LINC00237: variants seen among roughly 807,000 people sequenced by gnomAD.
LINC00237 encodes the protein long intergenic non-protein coding RNA 237.
intron 1 of LINC00237, among the ~76,000 whole-genome samples, chr20:21,104,852 C>G (rs1353921837): frequency 6.6e-6 from 1 of 152,142 alleles, no homozygotes; most frequent in East Asian, 1.9e-4. Context: ...GACACACAGG[C>G]GCGTACACAC....
At chr20:21,097,532 A>G (rs1483109061) in intron 1 of LINC00237, among the ~76,000 whole-genome samples, 2 of 152,194 alleles carry the variant, frequency 1.3e-5, no homozygotes, top group Non-Finnish European at 2.9e-5. Flanking sequence ...TGCCTTAACC[A>G]TTCTTTAACT....
chr20:21,091,025 G>A (rs933949582), intron 2 of LINC00237, among the ~76,000 whole-genome samples: 2 of 151,906 alleles, frequency 1.3e-5, no homozygotes, highest in Non-Finnish European at 2.9e-5. Context: ...GTAGCCATTA[G>A]CCTGTCAGTG....
chr20:21,087,211 A>C (rs745948311), intron 3 of LINC00237, among the ~76,000 whole-genome samples: 6 of 151,690 alleles, frequency 4.0e-5, no homozygotes, highest in Non-Finnish European at 8.8e-5. Context: ...CATTCTCTTC[A>C]TGTCATTTTG....
intron 1 of LINC00237, among the ~76,000 whole-genome samples, chr20:21,103,392 G>A (rs1420624502): frequency 6.6e-6 from 1 of 152,194 alleles, no homozygotes; most frequent in African/African-American, 2.4e-5. Flanking sequence ...GGGGTGGCAG[G>A]GCTGTCCCTA....
intron 3 of LINC00237, among the ~76,000 whole-genome samples, chr20:21,086,508 C>T (rs1192298196): frequency 1.4e-5 from 2 of 144,048 alleles, no homozygotes; most frequent in Non-Finnish European, 3.0e-5. Context: ...GAGAGAGATA[C>T]ATATCTATAT....
In LINC00237 at chr20:21,094,856, C is replaced by G. The variant is rs796728462; in HGVS notation, n.89-1004G>C. On this transcript the variant is annotated intron_variant and non_coding_transcript_variant, in intron 1 of 3. Transcript: ENST00000691244. ...CTTGACGTCAGGAGTTTGAGACCAG[C>G]CTGGCCAATGTGGCAAAACCCCATC... is the stretch of plus-strand genomic sequence containing the variant. Among the ~76,000 whole-genome samples the G allele has an allele frequency of 3.3e-5, 5 of 152,310 alleles. No individual in the cohort carries two copies. The South Asian group carries it at 1.0e-3, about 32-fold the overall frequency.
intron 1 of LINC00237, among the ~76,000 whole-genome samples, chr20:21,094,101 G>T (rs766145786): frequency 6.6e-6 from 1 of 152,186 alleles, no homozygotes; most frequent in African/African-American, 2.4e-5. Context: ...TCCTGAAGTA[G>T]ATGTTTACAT....
intron 3 of LINC00237, among the ~76,000 whole-genome samples, chr20:21,086,299 T>C (rs574243500): frequency 1.3e-5 from 2 of 152,014 alleles, no homozygotes; most frequent in East Asian, 1.9e-4. Flanking sequence ...CTCAACAATA[T>C]TGCAATCAAA....
At chr20:21,092,580 G>A (rs535395972) in intron 2 of LINC00237, among the ~76,000 whole-genome samples, 1 of 152,092 alleles carries the variant, frequency 6.6e-6, no homozygotes, top group South Asian at 2.1e-4. Context: ...CTCTGTTATG[G>A]CTTAAATGGC....
At chr20:21,086,568 CATAT>C (rs1325732420) in intron 3 of LINC00237, among the ~76,000 whole-genome samples, 5 of 93,506 alleles carry the variant, frequency 5.3e-5, no homozygotes, top group African/African-American at 2.0e-4. Context: ...ATATATAGTA[CATAT>C]ATAGTGTATA....
chr20:21,097,542 T>C (rs1309977071), intron 1 of LINC00237, among the ~76,000 whole-genome samples: 2 of 152,212 alleles, frequency 1.3e-5, no homozygotes, highest in African/African-American at 4.8e-5. Context: ...ATTCTTTAAC[T>C]TTTCCCAAGA....
intron 1 of LINC00237, among the ~76,000 whole-genome samples, chr20:21,100,812 A>G (rs939254626): frequency 6.6e-6 from 1 of 152,148 alleles, no homozygotes; most frequent in African/African-American, 2.4e-5. Flanking sequence ...GGGTTGTAAG[A>G]CAGGAGGTTT....
At chr20:21,098,872 G>C (rs1851277977) in intron 1 of LINC00237, among the ~76,000 whole-genome samples, 1 of 152,262 alleles carries the variant, frequency 6.6e-6, no homozygotes, top group South Asian at 2.1e-4. Flanking sequence ...GCACGAATTA[G>C]AGCATCCCGA....
At chr20:21,102,388 C>A (rs1038723128) in intron 1 of LINC00237, among the ~76,000 whole-genome samples, 1 of 152,330 alleles carries the variant, frequency 6.6e-6, no homozygotes, top group African/African-American at 2.4e-5. Flanking sequence ...ACCCCCTGCT[C>A]CCTGGCTCCT....
intron 1 of LINC00237, among the ~76,000 whole-genome samples, chr20:21,097,780 C>A (rs2030879950): frequency 6.6e-6 from 1 of 152,182 alleles, no homozygotes; most frequent in Admixed American, 6.5e-5. Context: ...AAACCTCAGT[C>A]TCAGTTAGTA....
intron 1 of LINC00237, among the ~76,000 whole-genome samples, chr20:21,098,763 T>A (rs529318277): frequency 1.3e-5 from 2 of 152,316 alleles, no homozygotes; most frequent in Middle Eastern, 3.4e-3. Flanking sequence ...GACAGAGAGA[T>A]AAAGATCCTC....
intron 3 of LINC00237, among the ~76,000 whole-genome samples, chr20:21,086,846 G>C (rs1404856468): frequency 8.1e-6 from 1 of 124,072 alleles, no homozygotes; most frequent in Admixed American, 8.3e-5. Context: ...TATATGTATA[G>C]TATACACTAT....
intron 2 of LINC00237, chr20:21,089,823 G>A (rs2030768554): frequency 6.6e-6 from 1 of 152,172 alleles, no homozygotes. Context: ...TACAAGCGAA[G>A]GCGTCTAGAT....
chr20:21,105,552 G>A (rs1377577689), intron 1 of LINC00237, among the ~76,000 whole-genome samples: 2 of 152,166 alleles, frequency 1.3e-5, no homozygotes, highest in Non-Finnish European at 2.9e-5. Flanking sequence ...CAGTGTGAGC[G>A]CCGCCGGCCC....
Sources: allele counts gnomAD v4.1 joint callset (sites outside exome capture counted in the v4.1 genomes callset), GRCh38; gene constraint gnomAD v4.1.1; transcripts MANE v1.5; gene names NCBI Gene and HGNC (gene_info 2026-07-23, HGNC 2026-07-21).